Variants in LRP1B observed in about 807,000 individuals in gnomAD.
The protein encoded by LRP1B is low-density lipoprotein receptor-related protein 1B.
A neutral mutation model predicts 556.6 loss-of-function variants in LRP1B; 217 were observed. That is an observed-to-expected ratio of 0.39 (90% confidence interval 0.35 to 0.44). The LOEUF (loss-of-function observed/expected upper bound fraction) is 0.44. Ranked by LOEUF, LRP1B falls within the 20% of genes least tolerant of loss-of-function variation. The probability of loss-of-function intolerance (pLI) is 1.00; values close to 1 mark genes in which losing one functional copy is unlikely to be tolerated. For missense variants in LRP1B, 5,053 were observed against 5,620.8 expected (o/e 0.90, Z 3.23); for synonymous variants, 2,047 against 1,865.8 (o/e 1.10, Z -2.50).
At chr2:140,886,446 T>C (rs896210383) in intron 23 of LRP1B, 111 bp from the exon 24 acceptor site, 6 of 620,214 alleles carry the variant, frequency 9.7e-6, no homozygotes, top group Non-Finnish European at 7.8e-6. Context: ...TAATTCTCTG[T>C]CTTAAAACAG....
intron 1 of LRP1B, among the ~76,000 whole-genome samples, chr2:141,818,419 T>G (rs1051294495): frequency 6.6e-6 from 1 of 152,188 alleles, no homozygotes; most frequent in African/African-American, 2.4e-5. Flanking sequence ...ATAACATGGT[T>G]AGAGGTCTTC....
At chr2:141,177,224 T>A (rs1329358162) in intron 7 of LRP1B, among the ~76,000 whole-genome samples, 2 of 152,108 alleles carry the variant, frequency 1.3e-5, no homozygotes. Flanking sequence ...AATGACTACC[T>A]GGAGAAAAGC....
At chr2:141,370,296 C>T (rs949107262) in intron 3 of LRP1B, among the ~76,000 whole-genome samples, 3 of 152,268 alleles carry the variant, frequency 2.0e-5, no homozygotes, top group African/African-American at 7.2e-5. Context: ...TTCTCTACAT[C>T]CCTTCCAACA....
intron 2 of LRP1B, among the ~76,000 whole-genome samples, chr2:141,699,829 A>G (rs979413967): frequency 6.7e-6 from 1 of 149,644 alleles, no homozygotes; most frequent in Admixed American, 6.8e-5. Context: ...CAAATGGAAA[A>G]TGAAACCGTT....
At chr2:140,414,466 A>C (rs1685095884) in intron 66 of LRP1B, among the ~76,000 whole-genome samples, 1 of 152,154 alleles carries the variant, frequency 6.6e-6, no homozygotes, top group Admixed American at 6.5e-5. Flanking sequence ...AGTCAACTGC[A>C]TGTAATAGTG....
At chr2:141,433,810 A>G (rs552517616) in intron 3 of LRP1B, among the ~76,000 whole-genome samples, 4 of 151,300 alleles carry the variant, frequency 2.6e-5, no homozygotes, top group Admixed American at 6.6e-5. Context: ...TTTCCATAAA[A>G]TTAGGGAAGC....
At chr2:141,109,559 A>G (rs1386566066) in intron 7 of LRP1B, among the ~76,000 whole-genome samples, 1 of 152,148 alleles carries the variant, frequency 6.6e-6, no homozygotes, top group Non-Finnish European at 1.5e-5. Flanking sequence ...ACTCAAACAT[A>G]GTATAACAAA....
intron 3 of LRP1B, among the ~76,000 whole-genome samples, chr2:141,324,693 C>T (rs1687373738): frequency 6.6e-6 from 1 of 151,940 alleles, no homozygotes; most frequent in Admixed American, 6.6e-5. Context: ...GACATGAAGC[C>T]TGATTTTTGA....
intron 2 of LRP1B, among the ~76,000 whole-genome samples, chr2:141,776,693 T>C (rs1275554542): frequency 6.6e-6 from 1 of 152,192 alleles, no homozygotes; most frequent in Non-Finnish European, 1.5e-5. Context: ...TTACTAGCTA[T>C]GTGATTTAAG....
chr2:141,760,363 T>C (rs1694495689), intron 2 of LRP1B, among the ~76,000 whole-genome samples: 1 of 152,222 alleles, frequency 6.6e-6, no homozygotes, highest in Non-Finnish European at 1.5e-5. Flanking sequence ...CTTATGTTTG[T>C]GTGAAAATGT....
chr2:142,096,757 C>G (rs1706384310), intron 1 of LRP1B, among the ~76,000 whole-genome samples: 1 of 151,478 alleles, frequency 6.6e-6, no homozygotes, highest in South Asian at 2.1e-4. Context: ...TCAGAAGGTG[C>G]ATGTGTGCAT....
intron 11 of LRP1B, among the ~76,000 whole-genome samples, chr2:141,034,391 G>T (rs936293019): frequency 1.3e-5 from 2 of 151,958 alleles, no homozygotes; most frequent in Non-Finnish European, 2.9e-5. Flanking sequence ...CTTCTGCACA[G>T]CAAAAGAAAC....
intron 23 of LRP1B, among the ~76,000 whole-genome samples, chr2:140,891,826 T>A (rs900918420): frequency 4.6e-5 from 7 of 152,190 alleles, no homozygotes; most frequent in Admixed American, 3.9e-4. Flanking sequence ...CTCTTGACAT[T>A]TTTTTAAGAA....
chr2:140,998,171 T>C (rs1400467553), intron 15 of LRP1B, among the ~76,000 whole-genome samples: 5 of 152,064 alleles, frequency 3.3e-5, no homozygotes, highest in East Asian at 1.9e-4. Flanking sequence ...CAGAGTACCA[T>C]TGACACATAA....
intron 21 of LRP1B, among the ~76,000 whole-genome samples, chr2:140,909,030 C>G (rs1456364600): frequency 6.6e-6 from 1 of 152,138 alleles, no homozygotes; most frequent in Non-Finnish European, 1.5e-5. Context: ...AACTCTTGAC[C>G]TCAGGTGATC....
At chr2:141,193,467 T>C (rs905999392) in intron 6 of LRP1B, among the ~76,000 whole-genome samples, 5 of 152,072 alleles carry the variant, frequency 3.3e-5, no homozygotes, top group Admixed American at 6.6e-5. Flanking sequence ...CTGGAGGTTA[T>C]TAGCAAACTA....
At chr2:141,969,669 T>C (rs371342641) in intron 1 of LRP1B, among the ~76,000 whole-genome samples, 1 of 151,764 alleles carries the variant, frequency 6.6e-6, no homozygotes, top group East Asian at 1.9e-4. Context: ...TTCAAGTTAA[T>C]TCCATCTCCT....
intron 2 of LRP1B, among the ~76,000 whole-genome samples, chr2:141,759,346 T>C (rs1401506453): frequency 6.6e-6 from 1 of 152,018 alleles, no homozygotes; most frequent in Non-Finnish European, 1.5e-5. Flanking sequence ...AAAATAACGA[T>C]ACAAAGGAAA....
chr2:141,554,858 A>G (rs891571717), intron 2 of LRP1B, among the ~76,000 whole-genome samples: 3 of 151,926 alleles, frequency 2.0e-5, no homozygotes, highest in African/African-American at 7.2e-5. Context: ...TAGGAATGCA[A>G]ATTCTTGAGT....
Sources: allele counts gnomAD v4.1 joint callset (sites outside exome capture counted in the v4.1 genomes callset), GRCh38; gene constraint gnomAD v4.1.1; transcripts MANE v1.5; gene names NCBI Gene and HGNC (gene_info 2026-07-23, HGNC 2026-07-21).